The following UNC79 variants were observed in gnomAD, a reference collection of about 807,000 sequenced individuals.
UNC79 encodes the protein protein unc-79 homolog.
UNC79 carries 37 observed loss-of-function variants against 283.1 expected under a neutral mutation model. The observed-to-expected ratio is 0.13, with a 90% confidence interval of 0.10 to 0.17. The LOEUF is 0.17. UNC79 is among the 10% of genes least tolerant of loss of function. The pLI is 1.00. For synonymous variants in UNC79, 1,107 were observed against 1,200.2 expected (o/e 0.92, Z 1.61); for missense variants, 2,272 against 3,211.1 (o/e 0.71, Z 7.07).
At chr14:93,630,455 G>C (rs1309530563) in intron 30 of UNC79, among the ~76,000 whole-genome samples, 1 of 152,220 alleles carries the variant, frequency 6.6e-6, no homozygotes, top group Non-Finnish European at 1.5e-5. Flanking sequence ...AGATAGGGAT[G>C]AACTATTAAG....
chr14:93,491,854 C>T (rs908343642), intron 5 of UNC79, among the ~76,000 whole-genome samples: 1 of 152,204 alleles, frequency 6.6e-6, no homozygotes, highest in South Asian at 2.1e-4. Context: ...TGTTTATAAC[C>T]AGCTACTGTA....
intron 1 of UNC79, among the ~76,000 whole-genome samples, chr14:93,370,378 GT>G (rs1201080960): frequency 6.6e-6 from 1 of 151,348 alleles, no homozygotes; most frequent in Non-Finnish European, 1.5e-5. Context: ...CCAAAAAAAA[GT>G]GCTAGGAATC....
intron 1 of UNC79, among the ~76,000 whole-genome samples, chr14:93,351,925 G>A (rs925811953): frequency 1.3e-5 from 2 of 152,118 alleles, no homozygotes; most frequent in African/African-American, 4.8e-5. Context: ...CTTTATTCAA[G>A]GCCTACCGAT....
intron 4 of UNC79, among the ~76,000 whole-genome samples, chr14:93,483,108 T>C (rs1328000297): frequency 6.6e-6 from 1 of 152,234 alleles, no homozygotes; most frequent in Non-Finnish European, 1.5e-5. Context: ...TCATGATTAT[T>C]TGCTTCCTTA....
At position 93,621,940 on chromosome 14, in the gene UNC79, G is replaced by A. The variant is rs866443367; in HGVS notation, c.4707G>A (p.Gly1569=). 7 of 1,614,032 alleles carry A rather than the reference G, an allele frequency of 4.3e-6. No individual in the cohort carries two copies. Among genetic ancestry groups the A allele is most frequent in the Non-Finnish European group, 5.9e-6 (7 of 1,180,004 alleles). ...TCCCCGAGAACCCAGCTATGGAAGG[G>A]TTTCCAGATGCTCGAAGGCCTGTCA... is the stretch of plus-strand genomic sequence containing the variant. The change falls in exon 30 of 49, where the codon GGG becomes GGA. Residue 1569 remains glycine (G), a synonymous_variant. Transcript: ENST00000555664. This position sits in a 1 kb window ranked among gnomAD's most constrained non-coding sequence, Gnocchi z 4.8.
At chr14:93,616,422 G>A (rs113142846) in intron 27 of UNC79, among the ~76,000 whole-genome samples, 2,877 of 143,610 alleles carry the variant, frequency 0.02, 26 homozygotes, top group Non-Finnish European at 0.03. Flanking sequence ...AGGCTGGAGT[G>A]CAGTGGTGTG....
At chr14:93,668,229 T>C (rs576765061) in intron 40 of UNC79, among the ~76,000 whole-genome samples, 1 of 152,298 alleles carries the variant, frequency 6.6e-6, no homozygotes, top group South Asian at 2.1e-4. Context: ...TTTTCATAGG[T>C]GATACGATTA....
chr14:93,447,050 CTCTGT>C, intron 1 of UNC79, among the ~76,000 whole-genome samples: 1 of 152,110 alleles, frequency 6.6e-6, no homozygotes, highest in Non-Finnish European at 1.5e-5. Context: ...TGTTTGGAAG[CTCTGT>C]TACTGGGTTC....
At chr14:93,603,187 A>G in intron 25 of UNC79, 52 bp from the exon 26 acceptor site, 2 of 1,585,602 alleles carry the variant, frequency 1.3e-6, no homozygotes, top group Non-Finnish European at 1.7e-6. Context: ...TAGGTGGATT[A>G]CAAAGCCCTG....
chr14:93,701,527 G>A (rs928232373), intron 47 of UNC79, among the ~76,000 whole-genome samples: 2 of 152,034 alleles, frequency 1.3e-5, no homozygotes, highest in African/African-American at 4.8e-5. Context: ...TCAGGATATT[G>A]TTTCTGAAGA....
At chr14:93,680,944 T>C (rs561101681) in intron 41 of UNC79, among the ~76,000 whole-genome samples, 4 of 152,346 alleles carry the variant, frequency 2.6e-5, no homozygotes, top group East Asian at 3.9e-4. Context: ...TTTTTACTTA[T>C]AGGTTTTGGC....
At chr14:93,706,136 C>T (rs929513103) in intron 48 of UNC79, among the ~76,000 whole-genome samples, 1 of 152,182 alleles carries the variant, frequency 6.6e-6, no homozygotes. Context: ...GACAGAACTC[C>T]CTAAGAAGCT....
chr14:93,572,160 T>C, intron 15 of UNC79, 76 bp downstream of exon 15: 1 of 1,472,676 alleles, frequency 6.8e-7, no homozygotes, highest in Non-Finnish European at 9.1e-7. Context: ...TGTATGCCGG[T>C]CACCCTACTA....
At chr14:93,350,907 C>A (rs1391211736) in intron 1 of UNC79, among the ~76,000 whole-genome samples, 3 of 152,194 alleles carry the variant, frequency 2.0e-5, no homozygotes, top group Non-Finnish European at 4.4e-5. Context: ...ATGTTTACCT[C>A]CAGTATAACT....
chr14:93,495,207 AATTTAT>A (rs2058962878), intron 5 of UNC79, among the ~76,000 whole-genome samples: 1 of 152,210 alleles, frequency 6.6e-6, no homozygotes, highest in Non-Finnish European at 1.5e-5. Flanking sequence ...GAGACTGAGT[AATTTAT>A]AAAGAAAAGA....
chr14:93,637,361 T>C, intron 32 of UNC79, 62 bp downstream of exon 35: 1 of 1,596,958 alleles, frequency 6.3e-7, no homozygotes, highest in Non-Finnish European at 8.5e-7. Context: ...TGTCCATCAT[T>C]TGGTCACCCA....
intron 1 of UNC79, among the ~76,000 whole-genome samples, chr14:93,408,472 C>T (rs894909886): frequency 1.3e-5 from 2 of 152,130 alleles, no homozygotes; most frequent in Non-Finnish European, 2.9e-5. Flanking sequence ...GTGGGAAGCT[C>T]ACCTGAGCAC....
chr14:93,612,820 A>G (rs201917310), exon 27 of UNC79: 2 of 1,613,980 alleles, frequency 1.2e-6, no homozygotes, highest in Non-Finnish European at 1.7e-6. Flanking sequence ...TGAGAATGAC[A>G]ACACCATCAA....
chr14:93,603,832 T>C (rs1342500146), intron 26 of UNC79, among the ~76,000 whole-genome samples: 1 of 152,140 alleles, frequency 6.6e-6, no homozygotes, highest in Non-Finnish European at 1.5e-5. Context: ...AATGTATTTT[T>C]TTTTTCATGT....
Sources: gnomAD v4.1 joint callset for allele counts (sites outside exome capture counted in the v4.1 genomes callset) on GRCh38, gnomAD v4.1.1 for gene constraint, Gnocchi (gnomAD v3.1) non-coding constraint, MANE v1.5 for transcripts, NCBI Gene and HGNC (gene_info 2026-07-23, HGNC 2026-07-21) for gene names.